HS6ST3: variants seen among roughly 807,000 people sequenced by gnomAD.
HS6ST3 encodes heparan sulfate 6-O-sulfotransferase 3.
In HS6ST3, 12 loss-of-function variants were observed where a neutral mutation model predicts 36.7. That is an observed-to-expected ratio of 0.33 (90% CI 0.21 to 0.53). The LOEUF (loss-of-function observed/expected upper bound fraction) is 0.53, where lower values mean the gene tolerates loss of function less well. Ranked by LOEUF, HS6ST3 falls within the 20% of genes least tolerant of loss-of-function variation. The pLI is 0.95. For synonymous variants in HS6ST3, 240 were observed against 257.5 expected (o/e 0.93, Z 0.65); for missense variants, 584 against 640.9 (o/e 0.91, Z 0.96).
rs575312611 is a variant in HS6ST3 at position 96,375,383 on chromosome 13, T to C, written c.707+283814T>C. On this transcript the variant is annotated intron_variant, in intron 1 of 1. Transcript: ENST00000376705. ...TTCACTCAGCACCCCAGTATATAAA[T>C]GCTTTGAGGACAGGAATCATCTCTG... 6.6e-5 allele frequency among the ~76,000 whole-genome samples: 10 copies of C among 152,316 alleles called. No homozygotes were observed. The South Asian group carries it at 1.4e-3, about 22-fold the overall frequency.
chr13:96,388,529 GA>G (rs1306484989), intron 1 of HS6ST3, among the ~76,000 whole-genome samples: 3 of 152,206 alleles, frequency 2.0e-5, no homozygotes, highest in Non-Finnish European at 4.4e-5. Flanking sequence ...GCCTAGAGCT[GA>G]AGAAGTATAC....
At chr13:96,153,350 G>A (rs563798301) in intron 1 of HS6ST3, among the ~76,000 whole-genome samples, 3 of 152,248 alleles carry the variant, frequency 2.0e-5, no homozygotes, top group South Asian at 2.1e-4. Flanking sequence ...AACCAAATGC[G>A]AGAAATAACT....
chr13:96,254,951 T>C (rs1315218457), intron 1 of HS6ST3, among the ~76,000 whole-genome samples: 1 of 152,184 alleles, frequency 6.6e-6, no homozygotes, highest in Non-Finnish European at 1.5e-5. Context: ...CAATAATCTG[T>C]GAGAATTTTA....
chr13:96,288,837 T>C (rs1193811284), intron 1 of HS6ST3, among the ~76,000 whole-genome samples: 1 of 152,022 alleles, frequency 6.6e-6, no homozygotes, highest in African/African-American at 2.4e-5. Context: ...AATAAAATCA[T>C]AGATATAAAT....
At chr13:96,179,309 C>T (rs1341885028) in intron 1 of HS6ST3, among the ~76,000 whole-genome samples, 3 of 152,146 alleles carry the variant, frequency 2.0e-5, no homozygotes, top group African/African-American at 7.2e-5. Context: ...TGACCATCAG[C>T]AAAAACATCA....
intron 1 of HS6ST3, among the ~76,000 whole-genome samples, chr13:96,785,498 TC>T (rs1877625617): frequency 6.6e-6 from 1 of 152,162 alleles, no homozygotes; most frequent in Non-Finnish European, 1.5e-5. Context: ...TTCACGTGGT[TC>T]AACCAAATAG....
intron 1 of HS6ST3, among the ~76,000 whole-genome samples, chr13:96,451,693 T>C (rs552457054): frequency 6.6e-6 from 1 of 152,314 alleles, no homozygotes; most frequent in South Asian, 2.1e-4. Context: ...TTGTCCACCT[T>C]TGGGATATAG....
chr13:96,484,541 C>T (rs2055904936), intron 1 of HS6ST3, among the ~76,000 whole-genome samples: 1 of 152,194 alleles, frequency 6.6e-6, no homozygotes, highest in African/African-American at 2.4e-5. Flanking sequence ...TACCATTGTA[C>T]TCTTTGCTTC....
chr13:96,351,543 G>T (rs1469482602), intron 1 of HS6ST3, among the ~76,000 whole-genome samples: 1 of 152,012 alleles, frequency 6.6e-6, no homozygotes, highest in African/African-American at 2.4e-5. Context: ...AATTCCTGGG[G>T]TCAAGTGATC....
chr13:96,829,480 G>A (rs1304792264), intron 1 of HS6ST3, among the ~76,000 whole-genome samples: 1 of 151,708 alleles, frequency 6.6e-6, no homozygotes, highest in Non-Finnish European at 1.5e-5. Flanking sequence ...CTCCCTCCTC[G>A]CACCCCCCAA....
chr13:96,631,888 G>T (rs1218585587), intron 1 of HS6ST3, among the ~76,000 whole-genome samples: 1 of 152,140 alleles, frequency 6.6e-6, no homozygotes, highest in Non-Finnish European at 1.5e-5. Flanking sequence ...GCCAAAGCAG[G>T]GTGGGAAGAA....
rs559684960 is a variant in HS6ST3 at position 96,366,466 on chromosome 13, A to AATAAATAAATAAATAAATAAATAG, written c.707+274906_707+274907insTAAATAAATAAATAGATAAATAAA. ...CTTGTCTCAAATAAATAAATAAATA[A>AATAAATAAATAAATAAATAAATAG]ATAAATAAAATGTGTAAAAATCATC... On this transcript the variant is annotated intron_variant, in intron 1 of 1. Coordinates refer to ENST00000376705, the MANE Select transcript of HS6ST3 (RefSeq NM_153456.4). 6.8e-4 allele frequency among the ~76,000 whole-genome samples: 104 copies of AATAAATAAATAAATAAATAAATAG among 152,046 alleles called. 3 individuals carry two copies. The highest frequency in any genetic ancestry group is 2.5e-3 in the African/African-American group (102 of 41,452).
At chr13:96,221,916 A>G (rs1042095643) in intron 1 of HS6ST3, among the ~76,000 whole-genome samples, 17 of 152,332 alleles carry the variant, frequency 1.1e-4, no homozygotes, top group African/African-American at 3.8e-4. Flanking sequence ...TGAAATGGAA[A>G]AAAATCAATC....
chr13:96,341,213 A>G (rs1435396988), intron 1 of HS6ST3, among the ~76,000 whole-genome samples: 1 of 152,202 alleles, frequency 6.6e-6, no homozygotes, highest in East Asian at 1.9e-4. Flanking sequence ...TTCAATGTAT[A>G]GATTAAAACA....
At chr13:96,310,287 A>G (rs2054933862) in intron 1 of HS6ST3, among the ~76,000 whole-genome samples, 2 of 152,228 alleles carry the variant, frequency 1.3e-5, no homozygotes, top group South Asian at 4.1e-4. Flanking sequence ...ATCTGCTTCA[A>G]TGACATTAGA....
chr13:96,719,075 C>T (rs1438948289), intron 1 of HS6ST3, among the ~76,000 whole-genome samples: 3 of 152,046 alleles, frequency 2.0e-5, no homozygotes, highest in African/African-American at 7.2e-5. Context: ...GAGATCGAGA[C>T]CATCCTGGCT....
At chr13:96,330,296 G>A (rs2055058571) in intron 1 of HS6ST3, among the ~76,000 whole-genome samples, 1 of 152,022 alleles carries the variant, frequency 6.6e-6, no homozygotes, top group Non-Finnish European at 1.5e-5. Context: ...TTTACATTTT[G>A]GCATGAGTTT....
At chr13:96,440,197 A>G (rs1443810100) in intron 1 of HS6ST3, among the ~76,000 whole-genome samples, 1 of 152,212 alleles carries the variant, frequency 6.6e-6, no homozygotes, top group Non-Finnish European at 1.5e-5. Flanking sequence ...CTATAATCCC[A>G]GCACTTTGGG....
At chr13:96,470,645 C>G (rs1187682298) in intron 1 of HS6ST3, among the ~76,000 whole-genome samples, 2 of 152,128 alleles carry the variant, frequency 1.3e-5, no homozygotes, top group Non-Finnish European at 2.9e-5. Flanking sequence ...TAAGAGTTGT[C>G]TACGTTTATT....
Sources: allele counts gnomAD v4.1 joint callset (sites outside exome capture counted in the v4.1 genomes callset), GRCh38; gene constraint gnomAD v4.1.1; transcripts MANE v1.5; gene names NCBI Gene and HGNC (gene_info 2026-07-23, HGNC 2026-07-21).